Variants in OPA1 observed in about 807,000 individuals in gnomAD.
OPA1 encodes OPA1 mitochondrial dynamin like GTPase.
OPA1 carries 59 observed loss-of-function variants against 152.9 expected under a neutral mutation model. The observed-to-expected ratio is 0.39, with a 90% CI of 0.31 to 0.48. The LOEUF (loss-of-function observed/expected upper bound fraction) is 0.48, where lower values mean the gene tolerates loss of function less well. Ranked by LOEUF, OPA1 falls within the 20% of genes least tolerant of loss-of-function variation. The pLI is 0.96. For missense variants in OPA1, 1,008 were observed against 1,216.8 expected, an observed-to-expected ratio of 0.83 and a Z score of 2.55; for synonymous variants, 400 against 389.9, an observed-to-expected ratio of 1.03 and a Z score of -0.31.
At chr3:193,618,587 C>A in intron 5 of OPA1, 1 of 387,400 alleles carries the variant, frequency 2.6e-6, no homozygotes, top group Non-Finnish European at 4.7e-6. Flanking sequence ...GTAAAATAAT[C>A]CTTACCAAAG....
chr3:193,615,447 GT>G (rs1728871044), intron 2 of OPA1, among the ~76,000 whole-genome samples: 1 of 152,178 alleles, frequency 6.6e-6, no homozygotes, highest in East Asian at 1.9e-4. Context: ...TATGAAACCT[GT>G]TTGAAATAGG....
At chr3:193,690,480 G>T (rs1256486574) in intron 29 of OPA1, among the ~76,000 whole-genome samples, 5 of 151,908 alleles carry the variant, frequency 3.3e-5, no homozygotes, top group Non-Finnish European at 5.9e-5. Context: ...GGGCAACATA[G>T]TGAGACCTAG....
intron 29 of OPA1, among the ~76,000 whole-genome samples, chr3:193,688,372 T>TCCGGTC (rs1471567637): frequency 6.6e-6 from 1 of 150,458 alleles, no homozygotes; most frequent in East Asian, 2.0e-4. Flanking sequence ...TTATGGAGTG[T>TCCGGTC]CCGGTCATCC....
In OPA1 at chr3:193,618,919, G is replaced by T; in HGVS notation, c.661G>T (p.Asp221Tyr). The T allele has an allele frequency of 6.2e-7, 1 of 1,613,710 alleles. No individual in the cohort carries two copies. The highest frequency in any genetic ancestry group is 1.1e-5 in the South Asian group (1 of 91,072). ...AGCAACAGATCGTGGATCTGAAAGTGACAAGCATTTTAGAAAGGTAAGTGT... is the reference window on the plus strand; with the variant it reads ...AGCAACAGATCGTGGATCTGAAAGTTACAAGCATTTTAGAAAGGTAAGTGT... ...FRATDRGSES[D>Y]KHFRKGLLGE... Residue 221 changes from aspartate (D) to tyrosine (Y), a missense_variant, in exon 6 of 31, where the codon GAC becomes TAC. This residue lies in a region of OPA1 where 408 missense variants were observed against 395.1 expected (regional missense o/e 1.03). Coordinates refer to ENST00000361510, the MANE Select transcript of OPA1 (RefSeq NM_130837.3).
At chr3:193,643,717 A>C (rs1734124467) in intron 15 of OPA1, 90 bp downstream of exon 15, 3 of 1,168,402 alleles carry the variant, frequency 2.6e-6, no homozygotes, top group African/African-American at 1.5e-5. Context: ...TTATGTAAAC[A>C]TACAAGATAA....
At chr3:193,669,233 C>T (rs1282028645) in intron 29 of OPA1, among the ~76,000 whole-genome samples, 1 of 152,240 alleles carries the variant, frequency 6.6e-6, no homozygotes, top group African/African-American at 2.4e-5. Context: ...TCAGCGCTTG[C>T]GGCCCCATTC....
intron 1 of OPA1, among the ~76,000 whole-genome samples, chr3:193,595,741 C>G (rs1725374884): frequency 6.6e-6 from 1 of 152,128 alleles, no homozygotes; most frequent in African/African-American, 2.4e-5. Context: ...GGGCCTTTCC[C>G]TTTATCTTTC....
rs558878627 is a variant in OPA1, at chr3:193,593,509, C to T, written c.32+100C>T. 6.1e-5 allele frequency: 72 copies of T among 1,182,374 alleles called. No individual in the cohort carries two copies. The East Asian group carries it at 1.6e-3, about 27-fold the overall frequency. The allele number at this position is 1,182,374 out of a possible 1,614,324, so 73.2% of individuals were successfully genotyped here. On this transcript the variant is annotated intron_variant, in intron 1 of 30. Transcript: ENST00000361510. ...AAAAATGTGCAGGTGACTCTCAGGC[C>T]AGGCCGACGGCAGTTGGAGAATTCC...
intron 5 of OPA1, 94 bp downstream of exon 5, chr3:193,617,931 G>A: frequency 1.2e-6 from 1 of 812,206 alleles, no homozygotes. Context: ...AATTTATAAT[G>A]CTGCTTATGC....
Position 193,655,009 on chromosome 3 carries a change from T to A in OPA1, c.2160T>A (p.Leu720=). The A allele has an allele frequency of 6.2e-7, 1 of 1,613,830 alleles. No individual in the cohort carries two copies. The highest frequency in any genetic ancestry group is 8.5e-7 in the Non-Finnish European group (1 of 1,179,878). The change falls in exon 22 of 31, where the codon CTT becomes CTA. Residue 720 remains leucine, a synonymous_variant. Coordinates refer to ENST00000361510, the MANE Select transcript of OPA1 (RefSeq NM_130837.3). The part of the protein sequence containing the change: ...IKLKQWTDKQ[L]PNKAVEVAWE... ...TTAAACAGTGGACTGATAAACAACT[T>A]CCTAATAAAGCAGTAGAGGTTAGGA... is the stretch of plus-strand genomic sequence containing the variant.
chr3:193,639,134 G>A (rs968053268), intron 11 of OPA1, among the ~76,000 whole-genome samples: 3 of 152,194 alleles, frequency 2.0e-5, no homozygotes, highest in East Asian at 3.8e-4. Flanking sequence ...CAGGAAGAAG[G>A]TATGGGGCTG....
chr3:193,612,643 A>T (rs928147433), intron 1 of OPA1, among the ~76,000 whole-genome samples: 1 of 152,192 alleles, frequency 6.6e-6, no homozygotes, highest in Non-Finnish European at 1.5e-5. Flanking sequence ...AGTTTTCTTT[A>T]GTGAGGTTAA....
In OPA1 at chr3:193,593,247, G is replaced by A. The variant is rs1724923459; in HGVS notation, c.-131G>A. 1.2e-6 allele frequency: 1 copy of A among 836,504 alleles called. No homozygotes were observed. Among genetic ancestry groups the A allele is most frequent in the South Asian group, 2.1e-5 (1 of 47,094 alleles). 51.8% of individuals were successfully genotyped at this position (836,504 alleles called of 1,614,324 possible). On this transcript the variant is annotated 5_prime_UTR_variant, in exon 1 of 31. Coordinates refer to ENST00000361510, the MANE Select transcript of OPA1 (RefSeq NM_130837.3). ...GTCCATGCGCCATTGGGAGGGCCTC[G>A]GCCGCGGCTCTGTGCCCTTGCTGCT...
intron 27 of OPA1, among the ~76,000 whole-genome samples, 155 bp from the exon 28 acceptor site, chr3:193,666,141 A>G (rs1365100700): frequency 3.3e-5 from 5 of 152,188 alleles, no homozygotes; most frequent in Non-Finnish European, 5.9e-5. Context: ...TACAGAAAGG[A>G]TTCTGTAGCT....
chr3:193,609,357 A>C (rs1410021482), intron 1 of OPA1, among the ~76,000 whole-genome samples: 2 of 152,190 alleles, frequency 1.3e-5, no homozygotes, highest in Non-Finnish European at 2.9e-5. Context: ...AGAATGTTGA[A>C]TATTGGCCTC....
At chr3:193,618,375 G>A (rs1729408899) in intron 5 of OPA1, among the ~76,000 whole-genome samples, 1 of 152,176 alleles carries the variant, frequency 6.6e-6, no homozygotes, top group Middle Eastern at 3.4e-3. Flanking sequence ...CTACTCGGGA[G>A]GCTGAGGCAG....
intron 1 of OPA1, among the ~76,000 whole-genome samples, chr3:193,597,606 G>A (rs1407224983): frequency 2.7e-5 from 4 of 150,292 alleles, no homozygotes; most frequent in African/African-American, 4.9e-5. Flanking sequence ...CAGGAGAATC[G>A]CTTGAGCCCC....
chr3:193,595,726 T>C (rs1725370834), intron 1 of OPA1, among the ~76,000 whole-genome samples: 1 of 152,210 alleles, frequency 6.6e-6, no homozygotes. Context: ...CTTGGCACAC[T>C]CAGTGGGCCT....
At chr3:193,606,924 A>T (rs1392207177) in intron 1 of OPA1, among the ~76,000 whole-genome samples, 2 of 152,078 alleles carry the variant, frequency 1.3e-5, no homozygotes, top group Admixed American at 1.3e-4. Context: ...CCTCTCCAGC[A>T]CCTGTTGTTT....
Sources: allele counts gnomAD v4.1 joint callset (sites outside exome capture counted in the v4.1 genomes callset), GRCh38; gene constraint gnomAD v4.1.1; regional missense constraint gnomAD v4.1.1; transcripts MANE v1.5; gene names NCBI Gene and HGNC (gene_info 2026-07-23, HGNC 2026-07-21).